POLD1: variants seen among roughly 807,000 people sequenced by gnomAD.
The protein encoded by POLD1 is DNA polymerase delta 1, catalytic subunit.
In POLD1, 79 loss-of-function variants were observed where a neutral mutation model predicts 129.7. The observed-to-expected ratio is 0.61, with a 90% CI of 0.51 to 0.73. The LOEUF is 0.73. Ranked by LOEUF, POLD1 falls within the 30% of genes least tolerant of loss-of-function variation. POLD1 has a pLI of 0.00. For synonymous variants in POLD1, 714 were observed against 683.3 expected, an observed-to-expected ratio of 1.04 and a Z score of -0.70; for missense variants, 1,338 against 1,595.8, an observed-to-expected ratio of 0.84 and a Z score of 2.75.
chr19:50,417,964 TG>T lies in POLD1; in HGVS notation c.*21del. ...GCCTGGTGACCTTGCAAGCATCCCA[TG>T]GGGCGGGGGCGGGACCAGGGAGAAT... On this transcript the variant is annotated 3_prime_UTR_variant, in exon 27 of 27. Transcript: ENST00000440232. 2.2e-6 allele frequency: 3 copies of T among 1,337,698 alleles called. No homozygotes were observed. Among genetic ancestry groups the T allele is most frequent in the South Asian group, 1.2e-5 (1 of 83,588 alleles). The allele number at this position is 1,337,698 out of a possible 1,614,324, so 82.9% of individuals were successfully genotyped here. A position where few individuals can be genotyped will look rare whatever the true frequency, so the allele number is the denominator to read the frequency against.
intron 18 of POLD1, 68 bp from the exon 19 acceptor site, chr19:50,413,674 C>T (rs2039170686): frequency 1.9e-6 from 3 of 1,550,970 alleles, no homozygotes; most frequent in Non-Finnish European, 2.6e-6. Context: ...CCACCTGCCA[C>T]CCCCCGACAC....
intron 10 of POLD1, among the ~76,000 whole-genome samples, chr19:50,404,223 A>G (rs966874797): frequency 2.0e-5 from 3 of 150,198 alleles, no homozygotes; most frequent in South Asian, 2.1e-4. Context: ...GCCTCTTCAC[A>G]CCGTCTTCTC....
chr19:50,401,317 CAA>C lies in POLD1; in HGVS notation c.317-459_317-458del, dbSNP rs1389043646. On this transcript the variant is annotated intron_variant, in intron 3 of 26. Transcript: ENST00000440232. ...TATATATTAATATATTTTGTAGAGA[CAA>C]ATATATTTATTTGTACATATAATAT... 4.9e-5 allele frequency among the ~76,000 whole-genome samples: 6 copies of C among 122,434 alleles called. No individual in the cohort carries two copies. The East Asian group carries it at 1.4e-3, about 28-fold the overall frequency. 80.3% of individuals were successfully genotyped at this position (122,434 alleles called of 152,430 possible).
At chr19:50,397,107 A>G (rs2038397996) in intron 1 of POLD1, among the ~76,000 whole-genome samples, 1 of 146,216 alleles carries the variant, frequency 6.8e-6, no homozygotes. Context: ...AAAAAAAAAA[A>G]GAAAACACAG....
intron 1 of POLD1, among the ~76,000 whole-genome samples, chr19:50,390,959 C>T (rs1056923444): frequency 6.6e-6 from 1 of 152,162 alleles, no homozygotes; most frequent in African/African-American, 2.4e-5. Flanking sequence ...ATGGAGTCTC[C>T]TATGTCTACT....
chr19:50,398,252 G>A (rs748850427), intron 1 of POLD1, among the ~76,000 whole-genome samples: 4 of 152,094 alleles, frequency 2.6e-5, no homozygotes, highest in South Asian at 2.1e-4. Context: ...GCGAGGTATC[G>A]GAGACAGAGG....
intron 3 of POLD1, among the ~76,000 whole-genome samples, chr19:50,401,530 TG>T (rs1219658769): frequency 6.6e-6 from 1 of 151,196 alleles, no homozygotes; most frequent in Admixed American, 6.6e-5. Flanking sequence ...TGTGAGTCAC[TG>T]TGCACGGCCA....
intron 9 of POLD1, 127 bp downstream of exon 9, chr19:50,403,346 GT>G: frequency 8.8e-7 from 1 of 1,130,972 alleles, no homozygotes; most frequent in Non-Finnish European, 1.3e-6. Context: ...GTGGGTCTGG[GT>G]GGGCCCCTGT....
intron 15 of POLD1, 87 bp downstream of exon 15, chr19:50,408,988 G>C (rs1037916474): frequency 7.0e-7 from 1 of 1,424,326 alleles, no homozygotes; most frequent in African/African-American, 1.4e-5. Flanking sequence ...CATAGGCACA[G>C]GCCCAGAGAT....
chr19:50,401,626 G>T (rs1311512667), intron 3 of POLD1, 152 bp from the exon 4 acceptor site: 3 of 791,250 alleles, frequency 3.8e-6, no homozygotes, highest in Non-Finnish European at 6.2e-6. Context: ...GGCTGGAGAT[G>T]GGAACCAGGG....
chr19:50,404,736 G>A (rs10406959), intron 10 of POLD1, among the ~76,000 whole-genome samples: 4,622 of 151,322 alleles, frequency 0.031, 240 homozygotes, highest in African/African-American at 0.1. Flanking sequence ...GAGCCACCAC[G>A]CCCCGCAAAT....
intron 3 of POLD1, among the ~76,000 whole-genome samples, chr19:50,400,939 G>A (rs1043563401): frequency 6.8e-6 from 1 of 147,766 alleles, no homozygotes; most frequent in Non-Finnish European, 1.5e-5. Flanking sequence ...CTCGTGATCC[G>A]CCCGCCTCAG....
At position 50,408,796 on chromosome 19, in the gene POLD1, T is replaced by C; in HGVS notation, c.1787T>C (p.Val596Ala). 6.2e-7 allele frequency: 1 copy of C among 1,613,710 alleles called. No individual in the cohort carries two copies. Among genetic ancestry groups the C allele is most frequent in the South Asian group, 1.1e-5 (1 of 91,082 alleles). The change falls in exon 15 of 27, where the codon GTC becomes GCC. Residue 596 changes from valine (V) to alanine (A), a missense_variant. Coordinates refer to ENST00000440232, the MANE Select transcript of POLD1 (RefSeq NM_002691.4). ...TGCTCCCCTCCCAGGTACTACGACGTCCCCATCGCCACCCTGGACTTCTCC... is the reference window on the plus strand; with the variant it reads ...TGCTCCCCTCCCAGGTACTACGACGCCCCCATCGCCACCCTGGACTTCTCC... ...VIEPLKGYYDVPIATLDFSSL... is the reference protein window; with the variant it reads ...VIEPLKGYYDAPIATLDFSSL...
intron 1 of POLD1, among the ~76,000 whole-genome samples, chr19:50,391,162 C>G (rs1222871978): frequency 6.7e-6 from 1 of 149,554 alleles, no homozygotes; most frequent in African/African-American, 2.6e-5. Flanking sequence ...GAGGCGCTCC[C>G]CACATCTCAG....
At chr19:50,399,881 C>G (rs1449209079) in intron 3 of POLD1, among the ~76,000 whole-genome samples, 2 of 148,368 alleles carry the variant, frequency 1.3e-5, no homozygotes, top group Non-Finnish European at 3.0e-5. Context: ...GTGGTGTGAT[C>G]TCGGCTCACT....
intron 9 of POLD1, 92 bp downstream of exon 9, chr19:50,403,311 T>G: frequency 1.5e-6 from 2 of 1,334,462 alleles, no homozygotes; most frequent in Non-Finnish European, 2.1e-6. Flanking sequence ...GCGACGCCCA[T>G]GTCTGTGGGT....
intron 20 of POLD1, 106 bp from the exon 21 acceptor site, chr19:50,415,332 C>A: frequency 8.5e-7 from 1 of 1,178,584 alleles, no homozygotes; most frequent in Non-Finnish European, 1.2e-6. Context: ...CTGCCCTGAG[C>A]CTCAGCCCTA....
chr19:50,401,389 ATATTTTTTT>A (rs1335681293), intron 3 of POLD1, among the ~76,000 whole-genome samples: 12 of 60,330 alleles, frequency 2.0e-4, no homozygotes, highest in African/African-American at 8.4e-4. Context: ...ATATATATAT[ATATTTTTTT>A]TTTTTTTTTT....
At chr19:50,413,558 A>G (rs2039165261) in intron 18 of POLD1, 37 bp downstream of exon 18, 2 of 1,571,278 alleles carry the variant, frequency 1.3e-6, no homozygotes, top group Non-Finnish European at 1.7e-6. Flanking sequence ...AGATGGGCCC[A>G]GGGCAGGTGG....
Sources: allele counts gnomAD v4.1 joint callset (sites outside exome capture counted in the v4.1 genomes callset), GRCh38; gene constraint gnomAD v4.1.1; transcripts MANE v1.5; gene names NCBI Gene and HGNC (gene_info 2026-07-23, HGNC 2026-07-21).